The following LAMA3 variants were observed in gnomAD, a reference collection of about 807,000 sequenced individuals.
LAMA3 encodes laminin subunit alpha 3, also known as laminin subunit alpha-3.
Under a neutral mutation model 402.0 loss-of-function variants are expected in LAMA3, and 281 were observed. The observed-to-expected ratio is 0.70, with a 90% CI of 0.63 to 0.77. LAMA3 has a LOEUF of 0.77. LAMA3 is among the 30% of genes least tolerant of loss of function. LAMA3 has a pLI of 0.00. For missense variants in LAMA3, 3,840 were observed against 4,215.5 expected (o/e 0.91, Z 2.47); for synonymous variants, 1,431 against 1,558.4 (o/e 0.92, Z 1.93).
rs1365581546 is a variant in LAMA3, at chr18:23,710,349, GC to G, written c.295-3567del. On this transcript the variant is annotated intron_variant, in intron 1 of 74. Coordinates refer to ENST00000313654, the MANE Select transcript of LAMA3 (RefSeq NM_198129.4). ...TTGTCAGGTATTGCCCTTTTAAAAA[GC>G]CCCACGAGGTTATCTTCTCTCAAAA... 4 of 404,882 alleles carry G rather than the reference GC, an allele frequency of 9.9e-6. No individual in the cohort carries two copies. The East Asian group carries it at 2.2e-4, about 23-fold the overall frequency. 25.1% of individuals were successfully genotyped at this position (404,882 alleles called of 1,614,324 possible). A position where few individuals can be genotyped will look rare whatever the true frequency, so the allele number is the denominator to read the frequency against.
At chr18:23,846,235 G>T (rs2144626476) in intron 30 of LAMA3, 62 bp from the exon 31 acceptor site, 2 of 1,535,532 alleles carry the variant, frequency 1.3e-6, no homozygotes, top group South Asian at 2.2e-5. Context: ...TAAAGGCAAG[G>T]TTGAGGCCAC....
At chr18:23,944,264 C>A (rs1343388749) in intron 69 of LAMA3, among the ~76,000 whole-genome samples, 1 of 152,200 alleles carries the variant, frequency 6.6e-6, no homozygotes, top group Non-Finnish European at 1.5e-5. Context: ...CTCCTTCATC[C>A]TGGACCATTT....
intron 59 of LAMA3, among the ~76,000 whole-genome samples, chr18:23,916,004 TC>T (rs148807094): frequency 0.21 from 3,107 of 14,804 alleles, 964 homozygotes; most frequent in East Asian, 0.59. Flanking sequence ...AGACTCCATC[TC>T]CAAAAAAAAA....
chr18:23,851,964 A>G (rs181438333), intron 32 of LAMA3, among the ~76,000 whole-genome samples: 1 of 152,114 alleles, frequency 6.6e-6, no homozygotes, highest in Non-Finnish European at 1.5e-5. Context: ...GGTTAAAAAA[A>G]AAAAATTCTA....
At position 23,907,836 on chromosome 18, in the gene LAMA3, C is replaced by A. The variant is rs1260880560; in HGVS notation, c.6916C>A (p.Leu2306Ile). The part of the protein sequence containing the change: ...NDITDEVLDG[L>I]NPIQTDVERI... ...CATCACAGATGAGGTTCTGGATGGG[C>A]TCAACCCCATCCAGACAGATGTGGA... The change falls in exon 54 of 75, where the codon CTC becomes ATC. Residue 2306 changes from leucine (L) to isoleucine (I), a missense_variant. Physicochemically the swap from Leu to Ile is conservative, Grantham distance 5. Transcript: ENST00000313654. 6.2e-7 allele frequency: 1 copy of A among 1,613,682 alleles called. No homozygotes were observed. Among genetic ancestry groups the A allele is most frequent in the Non-Finnish European group, 8.5e-7 (1 of 1,179,718 alleles).
chr18:23,693,258 T>G (rs1278461919), intron 1 of LAMA3, among the ~76,000 whole-genome samples: 2 of 152,108 alleles, frequency 1.3e-5, no homozygotes, highest in African/African-American at 4.8e-5. Context: ...GCAGCAGAAT[T>G]GCTTGAACCC....
At chr18:23,825,429 G>A (rs561872377) in intron 21 of LAMA3, among the ~76,000 whole-genome samples, 2 of 152,320 alleles carry the variant, frequency 1.3e-5, no homozygotes, top group South Asian at 4.1e-4. Flanking sequence ...TATTGGCCAT[G>A]TTAGCAAATC....
intron 55 of LAMA3, among the ~76,000 whole-genome samples, chr18:23,910,169 A>G (rs963229856): frequency 1.3e-5 from 2 of 152,232 alleles, no homozygotes; most frequent in Non-Finnish European, 2.9e-5. Flanking sequence ...TTTATCCAAC[A>G]AAAATTTGAA....
chr18:23,790,881 C>A (rs1290898489), intron 12 of LAMA3, among the ~76,000 whole-genome samples: 1 of 147,340 alleles, frequency 6.8e-6, no homozygotes, highest in Non-Finnish European at 1.5e-5. Context: ...AGATGCATAT[C>A]CTATTTTATC....
At chr18:23,791,810 T>C (rs182957978) in intron 12 of LAMA3, among the ~76,000 whole-genome samples, 3 of 151,382 alleles carry the variant, frequency 2.0e-5, no homozygotes, top group Non-Finnish European at 4.4e-5. Flanking sequence ...TGCCTTTCAT[T>C]AGAGTCACAC....
At chr18:23,726,345 T>C (rs927689574) in intron 2 of LAMA3, among the ~76,000 whole-genome samples, 3 of 152,286 alleles carry the variant, frequency 2.0e-5, no homozygotes, top group Admixed American at 1.3e-4. Context: ...ATAAAGCACA[T>C]GAGAGCAGAG....
In LAMA3 at chr18:23,921,042, C is replaced by T. The variant is rs1308447574; in HGVS notation, c.8031C>T (p.Gly2677=). ...GAGTTGGAGACGCCATAAACAACGG[C>T]AGAGACCATTCGGTACACCTTTTGA... is the stretch of plus-strand genomic sequence containing the variant. ...ERGVGDAINN[G]RDHSIQIKIG... The change falls in exon 61 of 75, where the codon GGC becomes GGT. Residue 2677 remains glycine, a synonymous_variant. Coordinates refer to ENST00000313654, the MANE Select transcript of LAMA3 (RefSeq NM_198129.4). 6.2e-7 allele frequency: 1 copy of T among 1,613,922 alleles called. No individual in the cohort carries two copies. Among genetic ancestry groups the T allele is most frequent in the African/African-American group, 1.3e-5 (1 of 74,918 alleles).
At chr18:23,811,900 G>A (rs1171480840) in intron 13 of LAMA3, among the ~76,000 whole-genome samples, 4 of 151,758 alleles carry the variant, frequency 2.6e-5, no homozygotes, top group East Asian at 1.9e-4. Context: ...TTGAGACAGA[G>A]TCTCGCTCTG....
intron 9 of LAMA3, 25 bp downstream of exon 9, chr18:23,773,612 A>G (rs771746170): frequency 6.8e-6 from 10 of 1,479,934 alleles, no homozygotes; most frequent in Non-Finnish European, 8.4e-6. Flanking sequence ...AAGTTGGTGT[A>G]TCTTAGCCTG....
chr18:23,864,675 C>T lies in LAMA3; in HGVS notation c.4585-110C>T, dbSNP rs112339117. 360 of 740,896 alleles carry T rather than the reference C, an allele frequency of 4.9e-4. 1 individual carries two copies. Among genetic ancestry groups the T allele is most frequent in the African/African-American group, 4.8e-3 (283 of 58,598 alleles). The allele number at this position is 740,896 out of a possible 1,614,324, so 45.9% of individuals were successfully genotyped here. On this transcript the variant is annotated intron_variant, in intron 35 of 74. Coordinates refer to ENST00000313654, the MANE Select transcript of LAMA3 (RefSeq NM_198129.4). ...CTAGATACAACCCTTGTTACCAGGT[C>T]GAGTGTGTTTCTTTCCACACCTTGT...
chr18:23,730,933 T>G (rs1045177764), intron 2 of LAMA3, among the ~76,000 whole-genome samples: 2 of 152,136 alleles, frequency 1.3e-5, no homozygotes, highest in African/African-American at 2.4e-5. Flanking sequence ...CTCTGAAACT[T>G]TATGAGCTTA....
intron 3 of LAMA3, among the ~76,000 whole-genome samples, 195 bp downstream of exon 3, chr18:23,748,255 C>G (rs772060791): frequency 1.3e-5 from 2 of 151,578 alleles, no homozygotes; most frequent in South Asian, 2.1e-4. Flanking sequence ...ATGGTGAAAC[C>G]CTGTCTCTAC....
intron 10 of LAMA3, among the ~76,000 whole-genome samples, chr18:23,776,247 C>T (rs1489253416): frequency 6.6e-6 from 1 of 152,090 alleles, no homozygotes; most frequent in Non-Finnish European, 1.5e-5. Flanking sequence ...ATATCATGGG[C>T]TTCCAGATAT....
In LAMA3 at chr18:23,751,108, G is replaced by A. The variant is rs1024829135; in HGVS notation, c.855+20G>A. ...CGGCGGGTGAGTAGTCAGAGCATTT[G>A]TTTTGTTACTTTATTTATTCATTTT... On this transcript the variant is annotated intron_variant, in intron 5 of 74. Transcript: ENST00000313654. 15 of 1,613,658 alleles carry A rather than the reference G, an allele frequency of 9.3e-6. No homozygotes were observed. The highest frequency in any genetic ancestry group is 1.2e-5 in the Non-Finnish European group (14 of 1,179,666).
Sources: gnomAD v4.1 joint callset for allele counts (sites outside exome capture counted in the v4.1 genomes callset) on GRCh38, gnomAD v4.1.1 for gene constraint, MANE v1.5 for transcripts, NCBI Gene and HGNC (gene_info 2026-07-23, HGNC 2026-07-21) for gene names.